The following CEACAM20 variants were observed in gnomAD, a reference collection of about 807,000 sequenced individuals.
The protein encoded by CEACAM20 is cell adhesion molecule CEACAM20.
Under a neutral mutation model 61.2 loss-of-function variants are expected in CEACAM20, and 50 were observed. The ratio of observed to expected loss-of-function variants is 0.82; its 90% CI spans 0.65 to 1.03. The LOEUF is 1.03. Among genes scored for constraint, CEACAM20 ranks in the 50% least tolerant of loss-of-function variants. CEACAM20 has a pLI of 0.00. For synonymous variants in CEACAM20, 282 were observed against 287.7 expected (o/e 0.98, Z 0.20); for missense variants, 683 against 736.4 (o/e 0.93, Z 0.84).
intron 4 of CEACAM20, among the ~76,000 whole-genome samples, chr19:44,521,385 G>A (rs910491282): frequency 3.9e-5 from 6 of 152,104 alleles, no homozygotes; most frequent in Non-Finnish European, 8.8e-5. Context: ...GTGTCCATTA[G>A]TGCATATTAG....
Position 44,513,286 on chromosome 19 carries a change from G to A in CEACAM20, c.1313C>T (p.Pro438Leu). 4 of 1,609,968 alleles carry A rather than the reference G, an allele frequency of 2.5e-6. No individual in the cohort carries two copies. The highest frequency in any genetic ancestry group is 2.2e-5 in the East Asian group (1 of 44,832). The change falls in exon 7 of 12, where the codon CCC becomes CTC. Residue 438 changes from proline (P) to leucine (L), a missense_variant. By Grantham distance (98) the Pro-to-Leu change is moderately conservative. Coordinates refer to ENST00000614924, the MANE Select transcript of CEACAM20 (RefSeq NM_001102597.3). ...STSVLVKVVG[P>L]QSSSLSSGAI... ...CCCTGAGGACAGGGAGGAGGACTGG[G>A]GACCTGGGCAAGGAGACAGAATCAA...
At chr19:44,525,686 G>T (rs1375847748) in intron 1 of CEACAM20, among the ~76,000 whole-genome samples, 1 of 152,056 alleles carries the variant, frequency 6.6e-6, no homozygotes, top group South Asian at 2.1e-4. Flanking sequence ...CAAATGACCT[G>T]CCCGCCTCGG....
chr19:44,512,044 C>G lies in CEACAM20; in HGVS notation c.1548G>C (p.Gln516His), dbSNP rs200024360. ...GTTCGACTCTGATCCGTCCCTGAAG[C>G]TGGGATATATTGCGATACTCAGGAC... Reference protein sequence around the residue: ...SLSPEYRNISQLQGRIRVELM... With the variant: ...SLSPEYRNISHLQGRIRVELM... The change falls in exon 9 of 12, where the codon CAG becomes CAC. Residue 516 changes from glutamine (Q) to histidine (H), a missense_variant. Coordinates refer to ENST00000614924, the MANE Select transcript of CEACAM20 (RefSeq NM_001102597.3). The G allele has an allele frequency of 4.5e-5, 72 of 1,610,264 alleles. No individual in the cohort carries two copies. In the African/African-American group the frequency reaches 8.8e-4, roughly 20 times the overall value.
chr19:44,518,171 A>AAGAAAGC (rs1971246632), intron 5 of CEACAM20, among the ~76,000 whole-genome samples: 34 of 131,142 alleles, frequency 2.6e-4, no homozygotes, highest in Admixed American at 3.8e-4. Flanking sequence ...AGGAAGGAAG[A>AAGAAAGC]AAGCAGGCAG....
intron 6 of CEACAM20, among the ~76,000 whole-genome samples, chr19:44,515,450 T>C (rs2123580227): frequency 6.6e-6 from 1 of 152,268 alleles, no homozygotes; most frequent in East Asian, 1.9e-4. Flanking sequence ...TGGAAGTTGA[T>C]ATAAATGGTG....
In CEACAM20 at chr19:44,511,025, C is replaced by T. The variant is rs551142245; in HGVS notation, c.1737+5G>A. ...GTCCAAAGACTCAGTGTGGCATAAA[C>T]ATACCTCATAGATTGACTCCATGTT... is the stretch of plus-strand genomic sequence containing the variant. On this transcript the variant is annotated splice_donor_5th_base_variant and intron_variant, in intron 11 of 11. Coordinates refer to ENST00000614924, the MANE Select transcript of CEACAM20 (RefSeq NM_001102597.3). 3.7e-6 allele frequency: 6 copies of T among 1,613,918 alleles called. No individual in the cohort carries two copies. Among genetic ancestry groups the T allele is most frequent in the Admixed American group, 1.7e-5 (1 of 60,006 alleles).
chr19:44,510,512 C>CAA (rs59841944), intron 11 of CEACAM20, among the ~76,000 whole-genome samples: 6 of 85,630 alleles, frequency 7.0e-5, no homozygotes, highest in East Asian at 2.9e-4. Flanking sequence ...GACCCTGTCT[C>CAA]AAAAAAAAAA....
chr19:44,509,051 C>T (rs1218895911), intron 11 of CEACAM20, among the ~76,000 whole-genome samples: 1 of 151,822 alleles, frequency 6.6e-6, no homozygotes, highest in Non-Finnish European at 1.5e-5. Context: ...AGGAATGTAA[C>T]TGAAAGAGAT....
intron 4 of CEACAM20, among the ~76,000 whole-genome samples, chr19:44,522,249 G>A (rs1320873597): frequency 1.3e-5 from 2 of 151,756 alleles, no homozygotes; most frequent in African/African-American, 2.4e-5. Context: ...GACTACAGGC[G>A]CCCACCACCA....
At chr19:44,507,240 T>G (rs1970845049) in intron 11 of CEACAM20, among the ~76,000 whole-genome samples, 1 of 152,120 alleles carries the variant, frequency 6.6e-6, no homozygotes, top group Admixed American at 6.6e-5. Context: ...GGGAAGACCT[T>G]TTGCCCGACT....
At chr19:44,525,063 C>T (rs374072019) in intron 2 of CEACAM20, 38 bp downstream of exon 2, 111 of 1,601,066 alleles carry the variant, frequency 6.9e-5, no homozygotes, top group South Asian at 3.3e-4. Context: ...TCCATGGAGG[C>T]AGAGATCAGA....
intron 6 of CEACAM20, among the ~76,000 whole-genome samples, chr19:44,515,133 C>T (rs369057084): frequency 1.5e-4 from 23 of 152,164 alleles, no homozygotes; most frequent in East Asian, 9.7e-4. Context: ...CCACAGTGCC[C>T]GGCCTCTATA....
intron 7 of CEACAM20, 71 bp from the exon 8 acceptor site, chr19:44,513,024 C>G: frequency 7.2e-7 from 1 of 1,392,396 alleles, no homozygotes; most frequent in Non-Finnish European, 9.9e-7. Context: ...TGCCCATATC[C>G]CATGTCCATT....
intron 11 of CEACAM20, 41 bp downstream of exon 11, chr19:44,510,989 G>A (rs1269979965): frequency 2.2e-5 from 35 of 1,612,436 alleles, no homozygotes; most frequent in Non-Finnish European, 3.0e-5. Context: ...ATTGGTGACA[G>A]ATTTCCACCT....
At chr19:44,516,817 C>T in intron 6 of CEACAM20, 129 bp downstream of exon 6, 3 of 1,026,946 alleles carry the variant, frequency 2.9e-6, no homozygotes, top group Non-Finnish European at 4.3e-6. Context: ...CAGCTGTGGA[C>T]TGAGAACCTG....
rs761146247 is a variant in CEACAM20, at chr19:44,529,463, A to G, written c.47T>C (p.Leu16Pro). Residue 16 changes from leucine (L) to proline (P), a missense_variant, in exon 1 of 12, where the codon CTT becomes CCT. By Grantham distance (98) the Leu-to-Pro change is moderately conservative. Coordinates refer to ENST00000614924, the MANE Select transcript of CEACAM20 (RefSeq NM_001102597.3). ...GAAGGAAGCAGGGCACTCACCTGAA[A>G]GCAGGATTCCCATCCAGTGGTGTCC... ...SWGHHWMGIL[L>P]SASLCTVWSP... The G allele has an allele frequency of 6.2e-7, 1 of 1,613,470 alleles. No homozygotes were observed. Among genetic ancestry groups the G allele is most frequent in the Non-Finnish European group, 8.5e-7 (1 of 1,179,782 alleles).
At chr19:44,528,698 C>T (rs1181417253) in intron 1 of CEACAM20, among the ~76,000 whole-genome samples, 1 of 151,924 alleles carries the variant, frequency 6.6e-6, no homozygotes, top group Non-Finnish European at 1.5e-5. Flanking sequence ...AAACACACAT[C>T]TTTGTCTTTC....
At chr19:44,512,197 T>G in intron 8 of CEACAM20, 119 bp from the exon 9 acceptor site, 2 of 750,864 alleles carry the variant, frequency 2.7e-6, no homozygotes, top group Non-Finnish European at 4.7e-6. Flanking sequence ...CAGGACTCCC[T>G]GTCATATTTC....
In CEACAM20 at chr19:44,506,215, CT is replaced by C. The variant is rs1568443651; in HGVS notation, c.1738-2del. On this transcript the variant is annotated splice_acceptor_variant, in intron 11 of 11. Transcript: ENST00000614924. LOFTEE classifies it high-confidence loss of function. Reference sequence around the variant, plus strand: ...TGTTGGGCTCTGGATTCACAAGCTCCTGTTAAACAAAGAGAAAATGTGAGCT... The same window carrying C: ...TGTTGGGCTCTGGATTCACAAGCTCCGTTAAACAAAGAGAAAATGTGAGCT... The C allele has an allele frequency of 6.2e-7, 1 of 1,613,560 alleles. No homozygotes were observed. Among genetic ancestry groups the C allele is most frequent in the Non-Finnish European group, 8.5e-7 (1 of 1,179,652 alleles).
Sources: allele counts gnomAD v4.1 joint callset (sites outside exome capture counted in the v4.1 genomes callset), GRCh38; gene constraint gnomAD v4.1.1; transcripts MANE v1.5; gene names NCBI Gene and HGNC (gene_info 2026-07-23, HGNC 2026-07-21).